The following GLI2 variants were observed in gnomAD, a reference collection of about 807,000 sequenced individuals.
GLI2 encodes transcription activator GLI2.
Under a neutral mutation model 78.9 loss-of-function variants are expected in GLI2, and 22 were observed. The observed-to-expected ratio is 0.28, with a 90% CI of 0.20 to 0.40. The LOEUF is 0.40. GLI2 is among the 10% of genes least tolerant of loss of function. The pLI is 1.00. For missense variants in GLI2, 2,097 were observed against 2,213.2 expected, an observed-to-expected ratio of 0.95 and a Z score of 1.05; for synonymous variants, 974 against 963.7, an observed-to-expected ratio of 1.01 and a Z score of -0.20.
intron 1 of GLI2, among the ~76,000 whole-genome samples, chr2:120,776,224 A>C (rs1270294698): frequency 1.3e-5 from 2 of 152,202 alleles, no homozygotes; most frequent in African/African-American, 4.8e-5. Context: ...GCAGCACCGG[A>C]CATGTTGTTC....
chr2:120,747,523 T>A (rs1285811014), intron 1 of GLI2, among the ~76,000 whole-genome samples: 1 of 152,212 alleles, frequency 6.6e-6, no homozygotes, highest in East Asian at 1.9e-4. Flanking sequence ...CACTGATTTC[T>A]CAACTGGGCA....
At chr2:120,842,126 G>A (rs1686915591) in intron 2 of GLI2, among the ~76,000 whole-genome samples, 1 of 148,942 alleles carries the variant, frequency 6.7e-6, no homozygotes, top group Non-Finnish European at 1.5e-5. Flanking sequence ...AAAAAATTCA[G>A]GAGTTACTAA....
intron 2 of GLI2, among the ~76,000 whole-genome samples, chr2:120,891,696 C>T (rs1677689770): frequency 6.6e-6 from 1 of 152,156 alleles, no homozygotes; most frequent in Non-Finnish European, 1.5e-5. Context: ...GGCTATGCTC[C>T]TGGCTCCAGT....
chr2:120,969,849 A>G (rs1269460603), intron 6 of GLI2, among the ~76,000 whole-genome samples: 2 of 152,208 alleles, frequency 1.3e-5, no homozygotes, highest in Admixed American at 1.3e-4. Flanking sequence ...AAGCTGGAGG[A>G]AGCCACGATG....
At chr2:120,911,691 A>G (rs1008361478) in intron 2 of GLI2, among the ~76,000 whole-genome samples, 1 of 151,998 alleles carries the variant, frequency 6.6e-6, no homozygotes, top group Non-Finnish European at 1.5e-5. Context: ...CTCAGAGGAA[A>G]TGGTGTGGAG....
intron 1 of GLI2, among the ~76,000 whole-genome samples, chr2:120,784,203 A>G (rs1345629120): frequency 6.6e-6 from 1 of 152,230 alleles, no homozygotes; most frequent in East Asian, 1.9e-4. Context: ...TATCTGAGCC[A>G]TCCAGTGGAA....
At chr2:120,966,717 G>T (rs1681874698) in intron 5 of GLI2, among the ~76,000 whole-genome samples, 1 of 152,242 alleles carries the variant, frequency 6.6e-6, no homozygotes, top group African/African-American at 2.4e-5. Flanking sequence ...TGGATCCCAG[G>T]GCTTGCGGCT....
chr2:120,951,960 C>T (rs12711535), intron 4 of GLI2, among the ~76,000 whole-genome samples: 127,090 of 152,224 alleles, frequency 0.83, 55,552 homozygotes, highest in East Asian at 1. Flanking sequence ...TTGATTGGCC[C>T]GGCTCAGAGA....
intron 2 of GLI2, among the ~76,000 whole-genome samples, chr2:120,903,253 C>T (rs1360984356): frequency 2.0e-5 from 3 of 151,968 alleles, no homozygotes; most frequent in African/African-American, 7.3e-5. Context: ...GGCACAGTGG[C>T]AGGCACTTAG....
intron 2 of GLI2, among the ~76,000 whole-genome samples, chr2:120,925,042 C>G (rs1313549506): frequency 6.6e-6 from 1 of 152,240 alleles, no homozygotes; most frequent in Non-Finnish European, 1.5e-5. Flanking sequence ...AGCTCTGACC[C>G]TCAGGGTTCC....
intron 12 of GLI2, 56 bp from the exon 13 acceptor site, chr2:120,986,222 A>T (rs1343319879): frequency 6.6e-7 from 1 of 1,505,286 alleles, no homozygotes; most frequent in Non-Finnish European, 9.2e-7. Flanking sequence ...TAGAGGCAGG[A>T]CCAGGTGGAA....
At chr2:120,758,199 C>T (rs1297288528) in intron 1 of GLI2, among the ~76,000 whole-genome samples, 3 of 152,200 alleles carry the variant, frequency 2.0e-5, no homozygotes, top group Non-Finnish European at 4.4e-5. Flanking sequence ...GGGACTAGGC[C>T]TCACAGAACA....
intron 2 of GLI2, among the ~76,000 whole-genome samples, chr2:120,919,599 G>A (rs1679269475): frequency 1.3e-5 from 2 of 152,206 alleles, no homozygotes; most frequent in Non-Finnish European, 2.9e-5. Context: ...GTGCAACATG[G>A]CTGCTCCAAA....
chr2:120,873,008 T>C (rs1360587745), intron 2 of GLI2, among the ~76,000 whole-genome samples: 1 of 152,246 alleles, frequency 6.6e-6, no homozygotes, highest in African/African-American at 2.4e-5. Context: ...TTTTGGAATA[T>C]ATGCTTGCAG....
chr2:120,949,679 G>GAA (rs1476909467), intron 3 of GLI2, among the ~76,000 whole-genome samples: 1 of 152,246 alleles, frequency 6.6e-6, no homozygotes, highest in Non-Finnish European at 1.5e-5. Flanking sequence ...CAAAAAGGCA[G>GAA]AAGCAGGTTC....
rs1683286559 is a variant in GLI2 at position 120,991,348 on chromosome 2, A to ATAAG, written c.*675_*676insAGTA. Reference sequence around the variant, plus strand: ...ATGAATGAATAAAGCATCCAAGTATATATGAATGAATAAAGTATGTAAGTA... The same window carrying ATAAG: ...ATGAATGAATAAAGCATCCAAGTATATAAGTATGAATGAATAAAGTATGTAAGTA... On this transcript the variant is annotated 3_prime_UTR_variant, in exon 14 of 14. Transcript: ENST00000361492. The ATAAG allele has an allele frequency of 6.5e-6, 1 of 152,714 alleles. No individual in the cohort carries two copies. Among genetic ancestry groups the ATAAG allele is most frequent in the African/African-American group, 2.4e-5 (1 of 41,458 alleles). The allele number at this position is 152,714 out of a possible 1,614,324, so 9.5% of individuals were successfully genotyped here. A position where few individuals can be genotyped will look rare whatever the true frequency, so the allele number is the denominator to read the frequency against.
Position 120,876,935 on chromosome 2 carries a change from C to T in GLI2, c.149-50426C>T, listed in dbSNP as rs928481218. Among the ~76,000 whole-genome samples, 123 of 152,332 alleles carry T rather than the reference C, an allele frequency of 8.1e-4. 1 individual carries two copies. Among genetic ancestry groups the T allele is most frequent in the Non-Finnish European group, 2.4e-4 (16 of 68,040 alleles). ...TTGTTTAATATTCTTTTACTTAAGA[C>T]GTGCCCCCAACTGTGTAAGCTTCAG... On this transcript the variant is annotated intron_variant, in intron 2 of 13. Transcript: ENST00000361492.
chr2:120,851,728 T>C (rs141605452), intron 2 of GLI2, among the ~76,000 whole-genome samples: 167 of 152,222 alleles, frequency 1.1e-3, no homozygotes, highest in African/African-American at 3.6e-3. Context: ...ACCAGTGCAG[T>C]CCCCACCTCC....
At chr2:120,787,727 C>T (rs1424407406) in intron 1 of GLI2, among the ~76,000 whole-genome samples, 4 of 152,210 alleles carry the variant, frequency 2.6e-5, no homozygotes, top group African/African-American at 7.2e-5. Flanking sequence ...TTGCAGACAG[C>T]GGCCTCAGAG....
Sources: gnomAD v4.1 joint callset for allele counts (sites outside exome capture counted in the v4.1 genomes callset) on GRCh38, gnomAD v4.1.1 for gene constraint, MANE v1.5 for transcripts, NCBI Gene and HGNC (gene_info 2026-07-23, HGNC 2026-07-21) for gene names.